The following MYLK variants were observed in gnomAD, a reference collection of about 807,000 sequenced individuals.
MYLK encodes the protein myosin light chain kinase.
In MYLK, 106 loss-of-function variants were observed where a neutral mutation model predicts 203.4. The ratio of observed to expected loss-of-function variants is 0.52; its 90% CI spans 0.45 to 0.61. The LOEUF is 0.61. Ranked by LOEUF, MYLK falls within the 20% of genes least tolerant of loss-of-function variation. MYLK has a pLI of 0.00. For synonymous variants in MYLK, 867 were observed against 959.5 expected (o/e 0.90, Z 1.78); for missense variants, 2,072 against 2,442.3 (o/e 0.85, Z 3.20).
intron 32 of MYLK, among the ~76,000 whole-genome samples, chr3:123,619,556 CA>C (rs1372068346): frequency 1.3e-5 from 2 of 152,150 alleles, no homozygotes; most frequent in East Asian, 1.9e-4. Flanking sequence ...TGTCTCTGGC[CA>C]AATGAGATAA....
rs145248253 is a variant in MYLK, at chr3:123,850,962, C to T, written c.-126-19292G>A. On this transcript the variant is annotated intron_variant, in intron 2 of 33. Transcript: ENST00000360304. ...GGATCCAGTTTCAGCTTTCTACATA[C>T]GGCTAGCCAGTTTTCCCAAAACCAT... Among the ~76,000 whole-genome samples, 1,057 of 152,232 alleles carry T rather than the reference C, an allele frequency of 6.9e-3. 9 individuals are homozygous for T. The highest frequency in any genetic ancestry group is 0.021 in the African/African-American group (859 of 41,552).
In MYLK at chr3:123,826,696, C is replaced by T. The variant is rs190879200; in HGVS notation, c.-4+4852G>A. ...CCAAATTTGGTCAATCCATCATTTA[C>T]ATTTATATCCTCCAACCTTAGAAAG... On this transcript the variant is annotated intron_variant, in intron 3 of 33. Transcript: ENST00000360304. Among the ~76,000 whole-genome samples the T allele has an allele frequency of 2.6e-5, 4 of 152,314 alleles. No homozygotes were observed. In the East Asian group the frequency reaches 7.7e-4, roughly 29 times the overall value.
intron 33 of MYLK, chr3:123,617,538 C>G (rs755320302): frequency 6.6e-6 from 1 of 152,182 alleles, no homozygotes; most frequent in Non-Finnish European, 1.5e-5. Flanking sequence ...TTTTTCCATT[C>G]CTAACTTTGG....
Position 123,649,184 on chromosome 3 carries a change from A to T in MYLK, c.4299T>A (p.Asp1433Glu). The change falls in exon 25 of 34, where the codon GAT becomes GAA. Residue 1433 changes from aspartate to glutamate, a missense_variant. Around this residue, in one of 3 missense-constraint regions of MYLK, gnomAD observed 524 missense variants for 782.4 expected, o/e 0.67. Transcript: ENST00000360304. Reference protein sequence around the residue: ...TVGEKPEEPKDEVEVSDDDEK... With the variant: ...TVGEKPEEPKEEVEVSDDDEK... The stretch of plus-strand genomic sequence containing the variant: ...CACCATCATCTGACACCTCCACTTC[A>T]TCCTTCGGCTCTGGGGGGGGCACAA... The T allele has an allele frequency of 6.2e-7, 1 of 1,612,462 alleles. No individual in the cohort carries two copies. Among genetic ancestry groups the T allele is most frequent in the Non-Finnish European group, 8.5e-7 (1 of 1,179,898 alleles).
intron 3 of MYLK, among the ~76,000 whole-genome samples, chr3:123,813,280 G>A (rs2065623071): frequency 1.3e-5 from 2 of 152,184 alleles, no homozygotes; most frequent in Non-Finnish European, 2.9e-5. Context: ...GATTTTAATG[G>A]TCATGTACCA....
chr3:123,651,654 A>G (rs1265081246), intron 24 of MYLK, among the ~76,000 whole-genome samples: 2 of 152,204 alleles, frequency 1.3e-5, no homozygotes, highest in East Asian at 1.9e-4. Context: ...CAGGAGAAGC[A>G]GTCTTGCCAA....
At position 123,629,385 on chromosome 3, in the gene MYLK, G is replaced by T. The variant is rs2058314424; in HGVS notation, c.5114+89C>A. ...ACGACCCAAGGCGGGGTGGCAAGGA[G>T]GGCACCCCAACAGGCAAAGGAATCC... On this transcript the variant is annotated intron_variant, in intron 30 of 33. Transcript: ENST00000360304. The surrounding 1 kb of genome is among the most constrained non-coding windows in gnomAD (Gnocchi z 4.4). The T allele has an allele frequency of 6.6e-7, 1 of 1,521,740 alleles. No individual in the cohort carries two copies. The highest frequency in any genetic ancestry group is 1.4e-5 in the African/African-American group (1 of 73,260). The allele number at this position is 1,521,740 out of a possible 1,614,324, so 94.3% of individuals were successfully genotyped here.
At position 123,792,569 on chromosome 3, in the gene MYLK, G is replaced by A. The variant is rs7639925; in HGVS notation, c.165+1108C>T. Among the ~76,000 whole-genome samples, 289 of 152,088 alleles carry A rather than the reference G, an allele frequency of 1.9e-3. 1 individual carries two copies. Among genetic ancestry groups the A allele is most frequent in the African/African-American group, 5.4e-3 (222 of 41,474 alleles). On this transcript the variant is annotated intron_variant, in intron 4 of 33. Transcript: ENST00000360304. ...TGGCTTTTTGTGTCTGGCTTCTTTCGCTTAGCATAATGTGTCAAGGTTCAT... is the reference window on the plus strand; with the variant it reads ...TGGCTTTTTGTGTCTGGCTTCTTTCACTTAGCATAATGTGTCAAGGTTCAT...
In MYLK at chr3:123,733,719, T is replaced by C. The variant is rs2108790818; in HGVS notation, c.1277A>G (p.Lys426Arg). 6.2e-7 allele frequency: 1 copy of C among 1,614,224 alleles called. No individual in the cohort carries two copies. The highest frequency in any genetic ancestry group is 1.1e-5 in the South Asian group (1 of 91,082). Reference sequence around the variant, plus strand: ...TCTGAACTTGACAGTTTGATTTTCCTTGACCTCCTGGCTTTGGGGCTTGCT... The same window carrying C: ...TCTGAACTTGACAGTTTGATTTTCCCTGACCTCCTGGCTTTGGGGCTTGCT... Reference protein sequence around the residue: ...FESKPQSQEVKENQTVKFRCE... With the variant: ...FESKPQSQEVRENQTVKFRCE... The change falls in exon 10 of 34, where the codon AAG becomes AGG. Residue 426 changes from lysine to arginine, a missense_variant. Physicochemically the swap from Lys to Arg is conservative, Grantham distance 26. Transcript: ENST00000360304.
At chr3:123,798,541 G>T (rs2109137384) in intron 3 of MYLK, among the ~76,000 whole-genome samples, 1 of 152,240 alleles carries the variant, frequency 6.6e-6, no homozygotes, top group Admixed American at 6.5e-5. Flanking sequence ...TCTAAAATCA[G>T]AGGCCCATGG....
intron 33 of MYLK, 96 bp from the exon 34 acceptor site, chr3:123,614,445 A>C: frequency 6.8e-7 from 1 of 1,474,372 alleles, no homozygotes; most frequent in African/African-American, 1.4e-5. Flanking sequence ...CTATTGATTA[A>C]GGTGGTTAAG....
chr3:123,790,287 C>T (rs1162012823), intron 4 of MYLK, among the ~76,000 whole-genome samples: 3 of 152,222 alleles, frequency 2.0e-5, no homozygotes, highest in African/African-American at 4.8e-5. Context: ...TTTCCAGAAG[C>T]TCCCTATCTG....
At chr3:123,846,189 T>A (rs892646555) in intron 2 of MYLK, among the ~76,000 whole-genome samples, 4 of 152,228 alleles carry the variant, frequency 2.6e-5, no homozygotes, top group African/African-American at 9.6e-5. Flanking sequence ...GGGAACCCTT[T>A]CTTCCCATTT....
intron 18 of MYLK, among the ~76,000 whole-genome samples, chr3:123,697,788 C>T (rs1185393945): frequency 2.0e-5 from 3 of 152,194 alleles, no homozygotes; most frequent in Admixed American, 2.0e-4. Context: ...TGATTTGGGG[C>T]TCTCTCTGGA....
intron 33 of MYLK, chr3:123,616,275 C>T: frequency 6.6e-6 from 1 of 152,106 alleles, no homozygotes; most frequent in Non-Finnish European, 1.5e-5. Context: ...AAATGGACCT[C>T]ACCAATGAGC....
At chr3:123,871,077 A>G (rs954924361) in intron 2 of MYLK, among the ~76,000 whole-genome samples, 5 of 151,890 alleles carry the variant, frequency 3.3e-5, no homozygotes, top group African/African-American at 4.8e-5. Context: ...CATTGGTCCC[A>G]CCCCCAAGCA....
At chr3:123,714,256 G>A (rs1446725109) in intron 13 of MYLK, among the ~76,000 whole-genome samples, 4 of 152,206 alleles carry the variant, frequency 2.6e-5, no homozygotes, top group Admixed American at 2.0e-4. Context: ...TGCCCCATGA[G>A]GAGGGAGATG....
At position 123,740,075 on chromosome 3, in the gene MYLK, C is replaced by T. The variant is rs987345788; in HGVS notation, c.374-74G>A. On this transcript the variant is annotated intron_variant, in intron 5 of 33. Transcript: ENST00000360304. The stretch of plus-strand genomic sequence containing the variant: ...CAATGAAAGTAAAAAGATTCAACAG[C>T]AGGGGTGGGTGGGATAGTGATGGTG... The T allele has an allele frequency of 2.1e-6, 3 of 1,463,040 alleles. No homozygotes were observed. The African/African-American group carries it at 4.2e-5, about 20-fold the overall frequency. 90.6% of individuals were successfully genotyped at this position (1,463,040 alleles called of 1,614,324 possible).
At chr3:123,756,309 G>A (rs2063357436) in intron 4 of MYLK, among the ~76,000 whole-genome samples, 1 of 152,202 alleles carries the variant, frequency 6.6e-6, no homozygotes. Flanking sequence ...GGTTCACCAA[G>A]GTTATAATCA....
Sources: gnomAD v4.1 joint callset for allele counts (sites outside exome capture counted in the v4.1 genomes callset) on GRCh38, gnomAD v4.1.1 for gene constraint, gnomAD v4.1.1 regional missense constraint, Gnocchi (gnomAD v3.1) non-coding constraint, MANE v1.5 for transcripts, NCBI Gene and HGNC (gene_info 2026-07-23, HGNC 2026-07-21) for gene names.